The following FBXL5 variants were observed in gnomAD, a reference collection of about 807,000 sequenced individuals.
FBXL5 encodes the protein F-box/LRR-repeat protein 5.
FBXL5 carries 26 observed loss-of-function variants against 78.3 expected under a neutral mutation model. The observed-to-expected ratio is 0.33, with a 90% CI of 0.24 to 0.46. The LOEUF (loss-of-function observed/expected upper bound fraction) is 0.46, where lower values mean the gene tolerates loss of function less well. FBXL5 is among the 20% of genes least tolerant of loss of function. The pLI is 1.00. For synonymous variants in FBXL5, 295 were observed against 282.5 expected, an observed-to-expected ratio of 1.04 and a Z score of -0.45; for missense variants, 710 against 829.2, an observed-to-expected ratio of 0.86 and a Z score of 1.77.
Position 15,612,787 on chromosome 4 carries a change from TG to T in FBXL5, c.1851-374del, listed in dbSNP as rs570612087. Among the ~76,000 whole-genome samples, 181 of 152,218 alleles carry T rather than the reference TG, an allele frequency of 1.2e-3. No homozygotes were observed. In the Middle Eastern group the frequency reaches 0.02, roughly 17 times the overall value. Reference sequence around the variant, plus strand: ...TGAAGCTTAAAACCTAATAAGCAGTTGGGCAGTTTCTAAAAAAAAAATTATA... The same window carrying T: ...TGAAGCTTAAAACCTAATAAGCAGTTGGCAGTTTCTAAAAAAAAAATTATA... On this transcript the variant is annotated intron_variant, in intron 9 of 10. Transcript: ENST00000341285.
In FBXL5 at chr4:15,640,890, A is replaced by G; in HGVS notation, c.301-7T>C. ...TTAACTGTTCATATTCATTCTGGAA[A>G]CCAAAAAAAAAATACATTTTTATAA... On this transcript the variant is annotated splice_polypyrimidine_tract_variant and splice_region_variant and intron_variant, in intron 2 of 10. Transcript: ENST00000341285. The G allele has an allele frequency of 7.2e-7, 1 of 1,380,580 alleles. No individual in the cohort carries two copies. The highest frequency in any genetic ancestry group is 1.5e-5 in the South Asian group (1 of 66,874). 85.5% of individuals were successfully genotyped at this position (1,380,580 alleles called of 1,614,324 possible).
At chr4:15,640,046 GTTTA>G (rs1714688498) in intron 3 of FBXL5, among the ~76,000 whole-genome samples, 1 of 151,984 alleles carries the variant, frequency 6.6e-6, no homozygotes, top group Non-Finnish European at 1.5e-5. Flanking sequence ...AAATGTTTTT[GTTTA>G]TTTGTTTGGA....
At chr4:15,635,526 G>A (rs1446606746) in intron 5 of FBXL5, among the ~76,000 whole-genome samples, 2 of 151,958 alleles carry the variant, frequency 1.3e-5, no homozygotes, top group South Asian at 4.1e-4. Flanking sequence ...GGCCAAGGCA[G>A]GTGGATCACC....
intron 1 of FBXL5, among the ~76,000 whole-genome samples, chr4:15,665,970 G>A (rs1215233477): frequency 2.0e-5 from 3 of 151,756 alleles, no homozygotes; most frequent in African/African-American, 7.3e-5. Context: ...ACTTCCTTGA[G>A]GCCAAATGCA....
chr4:15,666,231 A>G (rs1717539253), intron 1 of FBXL5, among the ~76,000 whole-genome samples: 2 of 151,784 alleles, frequency 1.3e-5, no homozygotes, highest in African/African-American at 4.8e-5. Flanking sequence ...AGACTCCACC[A>G]CCACAAAAAG....
upstream of FBXL5, among the ~76,000 whole-genome samples, chr4:15,658,557 C>CAGCATGCTGAGTCCCTCGCCATGTGAT: frequency 6.6e-6 from 1 of 151,762 alleles, no homozygotes; most frequent in South Asian, 2.1e-4. Flanking sequence ...AGACCTGTGC[C>CAGCATGCTGAGTCCCTCGCCATGTGAT]AGCATGCTGA....
chr4:15,653,733 A>G (rs760911572), intron 1 of FBXL5, among the ~76,000 whole-genome samples: 5 of 152,198 alleles, frequency 3.3e-5, no homozygotes, highest in Non-Finnish European at 7.3e-5. Context: ...AATACTGCTA[A>G]GTAAAAAATT....
intron 2 of FBXL5, among the ~76,000 whole-genome samples, chr4:15,644,199 T>C (rs1715156251): frequency 6.6e-6 from 1 of 152,204 alleles, no homozygotes; most frequent in Non-Finnish European, 1.5e-5. Context: ...AGAATCCCCT[T>C]GGCCTTGATG....
intron 1 of FBXL5, among the ~76,000 whole-genome samples, chr4:15,677,870 T>C (rs957394909): frequency 7.9e-5 from 12 of 152,216 alleles, no homozygotes; most frequent in East Asian, 1.9e-4. Flanking sequence ...TCCAAGTAGG[T>C]TGGGAATACC....
chr4:15,635,252 G>C (rs1317000014), intron 5 of FBXL5, among the ~76,000 whole-genome samples: 3 of 151,340 alleles, frequency 2.0e-5, no homozygotes, highest in East Asian at 1.9e-4. Flanking sequence ...AGAATCGCTT[G>C]AACCTGGGAG....
At chr4:15,639,644 T>C (rs531959110) in intron 3 of FBXL5, among the ~76,000 whole-genome samples, 3 of 152,344 alleles carry the variant, frequency 2.0e-5, no homozygotes, top group African/African-American at 4.8e-5. Context: ...ATGGATATCA[T>C]ACAGTTAAAA....
intron 1 of FBXL5, among the ~76,000 whole-genome samples, chr4:15,666,937 T>C (rs1326016937): frequency 1.3e-5 from 2 of 152,094 alleles, no homozygotes; most frequent in African/African-American, 4.8e-5. Flanking sequence ...TCATTCCACA[T>C]TGTAGACATA....
intron 10 of FBXL5, among the ~76,000 whole-genome samples, chr4:15,611,064 CGATGACATTCACTTTCACCAACTAT>C (rs1346799905): frequency 1.4e-4 from 22 of 152,084 alleles, no homozygotes; most frequent in Non-Finnish European, 2.2e-4. Flanking sequence ...TCACCAACTA[CGATGACATTCACTTTCACCAACTAT>C]GATGACATTC....
chr4:15,605,881 A>T (rs1721851860), intron 10 of FBXL5, 82 bp from the exon 11 acceptor site: 3 of 998,254 alleles, frequency 3.0e-6, no homozygotes, highest in Middle Eastern at 2.0e-4. Flanking sequence ...GGAGTTAAAC[A>T]TTCATTGGTT....
chr4:15,633,251 G>A (rs1713874837), intron 5 of FBXL5, among the ~76,000 whole-genome samples: 1 of 152,154 alleles, frequency 6.6e-6, no homozygotes, highest in Non-Finnish European at 1.5e-5. Flanking sequence ...TACCTGCTAT[G>A]TATCTACTTT....
intron 4 of FBXL5, among the ~76,000 whole-genome samples, chr4:15,637,723 T>C (rs868451126): frequency 7.9e-5 from 12 of 152,308 alleles, no homozygotes; most frequent in Non-Finnish European, 1.8e-4. Context: ...GGATTAATTA[T>C]AGCTTAACTT....
At chr4:15,640,442 C>CA (rs1400407665) in intron 3 of FBXL5, among the ~76,000 whole-genome samples, 1 of 89,738 alleles carries the variant, frequency 1.1e-5, no homozygotes, top group Non-Finnish European at 2.5e-5. Flanking sequence ...AGCATGAAAA[C>CA]AAAAAAATAT....
intron 9 of FBXL5, among the ~76,000 whole-genome samples, chr4:15,624,279 C>A (rs947980845): frequency 2.6e-5 from 4 of 152,128 alleles, no homozygotes; most frequent in Non-Finnish European, 5.9e-5. Context: ...TCGATTACTG[C>A]ACATCAGTTT....
chr4:15,648,745 A>C (rs1715626067), intron 1 of FBXL5, among the ~76,000 whole-genome samples: 1 of 152,180 alleles, frequency 6.6e-6, no homozygotes. Flanking sequence ...AAAAAAGAAC[A>C]CTAACTTTCA....
Sources: gnomAD v4.1 joint callset for allele counts (sites outside exome capture counted in the v4.1 genomes callset) on GRCh38, gnomAD v4.1.1 for gene constraint, MANE v1.5 for transcripts, NCBI Gene and HGNC (gene_info 2026-07-23, HGNC 2026-07-21) for gene names.